The following EPHA5 variants were observed in gnomAD, a reference collection of about 807,000 sequenced individuals.
EPHA5 encodes the protein EPH receptor A5.
In EPHA5, 60 loss-of-function variants were observed where a neutral mutation model predicts 105.0. The ratio of observed to expected loss-of-function variants is 0.57; its 90% CI spans 0.46 to 0.71. EPHA5 has a LOEUF of 0.71. Ranked by LOEUF, EPHA5 falls within the 30% of genes least tolerant of loss-of-function variation. EPHA5 has a pLI of 0.00. For synonymous variants in EPHA5, 513 were observed against 449.1 expected (o/e 1.14, Z -1.80); for missense variants, 1,218 against 1,274.7 (o/e 0.96, Z 0.68).
intron 3 of EPHA5, among the ~76,000 whole-genome samples, chr4:65,556,406 A>C (rs554966062): frequency 6.6e-6 from 1 of 152,246 alleles, no homozygotes; most frequent in East Asian, 1.9e-4. Context: ...CCTCAACATG[A>C]CTGTATATAA....
chr4:65,433,501 GA>G (rs1362805092), intron 5 of EPHA5, among the ~76,000 whole-genome samples: 1 of 152,112 alleles, frequency 6.6e-6, no homozygotes, highest in Admixed American at 6.6e-5. Context: ...TATTCACCCA[GA>G]AACTCAGATA....
At chr4:65,331,915 T>G (rs1720655151) in intron 16 of EPHA5, 58 bp downstream of exon 16, 1 of 1,553,532 alleles carries the variant, frequency 6.4e-7, no homozygotes, top group South Asian at 1.2e-5. Context: ...CAGATTGGTT[T>G]TTGAACAATT....
At chr4:65,468,858 C>T (rs1385356059) in intron 5 of EPHA5, among the ~76,000 whole-genome samples, 1 of 151,400 alleles carries the variant, frequency 6.6e-6, no homozygotes, top group East Asian at 1.9e-4. Context: ...AAGATTTAAT[C>T]CCTAAATCCA....
intron 5 of EPHA5, among the ~76,000 whole-genome samples, chr4:65,482,370 A>T (rs550011731): frequency 6.6e-6 from 1 of 152,162 alleles, no homozygotes; most frequent in Admixed American, 6.5e-5. Flanking sequence ...TTTCTTCACT[A>T]TAACAATAAA....
At chr4:65,556,171 A>C (rs1489967894) in intron 3 of EPHA5, among the ~76,000 whole-genome samples, 6 of 152,194 alleles carry the variant, frequency 3.9e-5, no homozygotes, top group Non-Finnish European at 7.3e-5. Context: ...CCATTTCTGA[A>C]AAAGCATAAA....
At chr4:65,380,890 T>C (rs1719495917) in intron 8 of EPHA5, among the ~76,000 whole-genome samples, 1 of 151,748 alleles carries the variant, frequency 6.6e-6, no homozygotes, top group South Asian at 2.1e-4. Flanking sequence ...CCCTATTGTT[T>C]CACAAAATGG....
chr4:65,393,284 G>C (rs1170537871), intron 8 of EPHA5, among the ~76,000 whole-genome samples: 1 of 152,136 alleles, frequency 6.6e-6, no homozygotes, highest in Non-Finnish European at 1.5e-5. Context: ...TGGTCACAAA[G>C]TGTAACTTCT....
intron 5 of EPHA5, among the ~76,000 whole-genome samples, chr4:65,446,627 A>G (rs867702252): frequency 3.9e-5 from 6 of 152,116 alleles, no homozygotes; most frequent in South Asian, 2.1e-4. Flanking sequence ...TTATAACTTA[A>G]GATATGAATA....
intron 2 of EPHA5, among the ~76,000 whole-genome samples, chr4:65,604,945 A>G (rs909814721): frequency 6.6e-6 from 1 of 152,226 alleles, no homozygotes; most frequent in African/African-American, 2.4e-5. Flanking sequence ...TCCTTCGATT[A>G]CTAGAAGTTG....
At chr4:65,374,494 G>T (rs1718794351) in intron 8 of EPHA5, among the ~76,000 whole-genome samples, 1 of 151,866 alleles carries the variant, frequency 6.6e-6, no homozygotes, top group Admixed American at 6.6e-5. Context: ...AAACATGAAA[G>T]ATCAAAAATT....
chr4:65,402,582 C>CT (rs1231615717), intron 8 of EPHA5, among the ~76,000 whole-genome samples: 2 of 151,846 alleles, frequency 1.3e-5, no homozygotes, highest in Non-Finnish European at 1.5e-5. Context: ...GACCTTGGTT[C>CT]TTTTTTTTCC....
At chr4:65,666,769 T>G (rs1323617445) in intron 1 of EPHA5, among the ~76,000 whole-genome samples, 5 of 152,190 alleles carry the variant, frequency 3.3e-5, no homozygotes, top group Non-Finnish European at 7.3e-5. Flanking sequence ...TTGTCTGCTA[T>G]CCAACATATT....
At chr4:65,438,164 C>G (rs867473935) in intron 5 of EPHA5, among the ~76,000 whole-genome samples, 2 of 151,846 alleles carry the variant, frequency 1.3e-5, no homozygotes, top group South Asian at 2.1e-4. Flanking sequence ...TTGACATTTG[C>G]ATTTAAAATG....
At chr4:65,634,227 A>G (rs1746907165) in intron 2 of EPHA5, among the ~76,000 whole-genome samples, 1 of 152,114 alleles carries the variant, frequency 6.6e-6, no homozygotes, top group African/African-American at 2.4e-5. Context: ...CTTCTAAAGA[A>G]TAAAATATTG....
At chr4:65,577,628 G>A (rs1741193089) in intron 3 of EPHA5, among the ~76,000 whole-genome samples, 1 of 151,930 alleles carries the variant, frequency 6.6e-6, no homozygotes, top group Non-Finnish European at 1.5e-5. Flanking sequence ...AGCAAATTTT[G>A]TATATATACC....
intron 6 of EPHA5, among the ~76,000 whole-genome samples, chr4:65,416,588 C>CT (rs1309326997): frequency 1.3e-5 from 2 of 152,064 alleles, no homozygotes; most frequent in Non-Finnish European, 2.9e-5. Flanking sequence ...GAAATTGATA[C>CT]TTTTTTGCCA....
At chr4:65,517,088 A>T (rs1272551542) in intron 3 of EPHA5, among the ~76,000 whole-genome samples, 1 of 151,986 alleles carries the variant, frequency 6.6e-6, no homozygotes, top group East Asian at 1.9e-4. Flanking sequence ...TTATATTGTA[A>T]ATTTATCTAT....
chr4:65,414,564 T>A, intron 6 of EPHA5, 121 bp from the exon 7 acceptor site: 1 of 1,092,880 alleles, frequency 9.2e-7, no homozygotes, highest in Non-Finnish European at 1.3e-6. Flanking sequence ...AGTACAAATA[T>A]AACATTTTAG....
intron 5 of EPHA5, among the ~76,000 whole-genome samples, chr4:65,468,605 A>ATATATAT: frequency 8.0e-4 from 1 of 1,256 alleles, no homozygotes; most frequent in South Asian, 0.056. Flanking sequence ...TATATATATT[A>ATATATAT]TATATATTAT....
Sources: allele counts gnomAD v4.1 joint callset (sites outside exome capture counted in the v4.1 genomes callset), GRCh38; gene constraint gnomAD v4.1.1; transcripts MANE v1.5; gene names NCBI Gene and HGNC (gene_info 2026-07-23, HGNC 2026-07-21).